The following SLC29A4 variants were observed in gnomAD, a reference collection of about 807,000 sequenced individuals.
The protein encoded by SLC29A4 is equilibrative nucleoside transporter 4.
In SLC29A4, 36 loss-of-function variants were observed where a neutral mutation model predicts 43.9. That is an observed-to-expected ratio of 0.82 (90% CI 0.63 to 1.08). SLC29A4 has a LOEUF of 1.08. SLC29A4 is among the 50% of genes least tolerant of loss of function. The probability of loss-of-function intolerance (pLI) is 0.00; values close to 1 mark genes in which losing one functional copy is unlikely to be tolerated. For synonymous variants in SLC29A4, 491 were observed against 338.0 expected (o/e 1.45, Z -4.97); for missense variants, 869 against 755.3 (o/e 1.15, Z -1.77).
intron 5 of SLC29A4, among the ~76,000 whole-genome samples, chr7:5,292,173 T>TGG: frequency 6.6e-6 from 1 of 152,108 alleles, no homozygotes; most frequent in Non-Finnish European, 1.5e-5. Flanking sequence ...TGCAGTGGCA[T>TGG]GATCATAGCT....
intron 2 of SLC29A4, among the ~76,000 whole-genome samples, chr7:5,288,298 C>CTGT (rs1322169694): frequency 2.9e-4 from 20 of 68,756 alleles, no homozygotes; most frequent in African/African-American, 1.1e-3. Context: ...CGTACAGCTT[C>CTGT]TTTTTTTTTT....
intron 10 of SLC29A4, among the ~76,000 whole-genome samples, chr7:5,301,727 C>T (rs978723359): frequency 1.3e-5 from 2 of 152,138 alleles, no homozygotes; most frequent in African/African-American, 4.8e-5. Context: ...CGGCAGCCCA[C>T]AGGACCGGCT....
intron 7 of SLC29A4, among the ~76,000 whole-genome samples, chr7:5,297,524 T>G (rs1401589842): frequency 1.3e-5 from 2 of 152,202 alleles, no homozygotes; most frequent in African/African-American, 4.8e-5. Context: ...CACTAAAGTT[T>G]CCATCCCTGG....
chr7:5,297,833 C>T (rs1024509597), intron 7 of SLC29A4, among the ~76,000 whole-genome samples: 1 of 152,170 alleles, frequency 6.6e-6, no homozygotes, highest in African/African-American at 2.4e-5. Context: ...GCCCCTGGCT[C>T]TGCTGGGCTT....
intron 2 of SLC29A4, among the ~76,000 whole-genome samples, chr7:5,289,631 G>C (rs1391439181): frequency 6.6e-6 from 1 of 152,062 alleles, no homozygotes; most frequent in Admixed American, 6.6e-5. Flanking sequence ...AGCAGCACCA[G>C]GGCTAGGGTT....
chr7:5,298,546 A>G (rs984232913), intron 7 of SLC29A4, among the ~76,000 whole-genome samples: 6 of 152,144 alleles, frequency 3.9e-5, no homozygotes, highest in African/African-American at 1.2e-4. Flanking sequence ...AATCCCAGCT[A>G]TACAGGAGGC....
In SLC29A4 at chr7:5,302,963, ACGCCGAGGGCCTGACCAGGGGCCC is replaced by A. The variant is rs1786277855; in HGVS notation, c.*27_*50del. ...GAGCCAGCCCCGCCCACTGCCAGGGACGCCGAGGGCCTGACCAGGGGCCCCGAGGCCTGAGGGCCCCTCCCCTGT... is the reference window on the plus strand; with the variant it reads ...GAGCCAGCCCCGCCCACTGCCAGGGACGAGGCCTGAGGGCCCCTCCCCTGT... On this transcript the variant is annotated 3_prime_UTR_variant, in exon 11 of 11. Coordinates refer to ENST00000396872, the MANE Select transcript of SLC29A4 (RefSeq NM_153247.4). The A allele has an allele frequency of 6.3e-7, 1 of 1,598,118 alleles. No homozygotes were observed. Among genetic ancestry groups the A allele is most frequent in the Non-Finnish European group, 8.5e-7 (1 of 1,174,128 alleles).
Position 5,300,359 on chromosome 7 carries a change from G to A in SLC29A4, c.1210-63G>A, listed in dbSNP as rs373718697. 6.8e-4 allele frequency: 1,089 copies of A among 1,605,138 alleles called. 18 individuals are homozygous for A. The East Asian group carries it at 0.019, about 28-fold the overall frequency. The stretch of plus-strand genomic sequence containing the variant: ...GATGGGGATGTGGCTAGAGGCTGTC[G>A]GGGGTGTGAGGCGAGTGGGGCTGTG... On this transcript the variant is annotated intron_variant, in intron 9 of 10. Transcript: ENST00000396872.
In SLC29A4 at chr7:5,283,024, C is replaced by G. The variant is rs1219123894; in HGVS notation, c.-67C>G. ...GACGCCGGGCGCGCCCGGCCCGAGG[C>G]TGGGGGAGCGGGGCGGCGTGGCGGG... On this transcript the variant is annotated 5_prime_UTR_variant, in exon 1 of 11. Transcript: ENST00000396872. 1.0e-5 allele frequency: 1 copy of G among 100,356 alleles called. No individual in the cohort carries two copies. Among genetic ancestry groups the G allele is most frequent in the Non-Finnish European group, 2.0e-5 (1 of 49,578 alleles). 6.2% of individuals were successfully genotyped at this position (100,356 alleles called of 1,614,324 possible). A position where few individuals can be genotyped will look rare whatever the true frequency, so the allele number is the denominator to read the frequency against.
chr7:5,303,046 C>G lies in SLC29A4; in HGVS notation c.*107C>G. Reference sequence around the variant, plus strand: ...CAGTGCCTGCGGGGCCCTGAGCCTCCCCCTGTGCCAGCAGCCCCACTCCCT... The same window carrying G: ...CAGTGCCTGCGGGGCCCTGAGCCTCGCCCTGTGCCAGCAGCCCCACTCCCT... On this transcript the variant is annotated 3_prime_UTR_variant, in exon 11 of 11. Transcript: ENST00000396872. 7.6e-7 allele frequency: 1 copy of G among 1,324,200 alleles called. No homozygotes were observed. Among genetic ancestry groups the G allele is most frequent in the Non-Finnish European group, 1.0e-6 (1 of 975,064 alleles). 82.0% of individuals were successfully genotyped at this position (1,324,200 alleles called of 1,614,324 possible).
chr7:5,302,901 G>A lies in SLC29A4; in HGVS notation c.1555G>A (p.Ala519Thr), dbSNP rs144064645. Residue 519 changes from alanine to threonine, a missense_variant, in exon 11 of 11, where the codon GCC becomes ACC. Transcript: ENST00000396872. ...TRDAHGSCLH[A>T]STANGSILAG... ...CGACGCTCACGGCAGCTGCCTGCAC[G>A]CCTCCACCGCCAATGGTTCCATCCT... 4.0e-4 allele frequency: 649 copies of A among 1,606,410 alleles called. 1 individual carries two copies. The African/African-American group carries it at 7.8e-3, about 19-fold the overall frequency.
intron 1 of SLC29A4, among the ~76,000 whole-genome samples, chr7:5,284,324 CTG>C (rs1474009942): frequency 2.0e-5 from 3 of 152,108 alleles, no homozygotes; most frequent in Non-Finnish European, 4.4e-5. Flanking sequence ...TGAATGCCTA[CTG>C]TGTGCAGCTG....
chr7:5,291,743 T>C lies in SLC29A4; in HGVS notation c.466T>C (p.Trp156Arg). ...CCTTTTTATCAGCATCTGCGACGTGTGGCTGCAGCTCTTCTCTCGGGACCA... is the reference window on the plus strand; with the variant it reads ...CCTTTTTATCAGCATCTGCGACGTGCGGCTGCAGCTCTTCTCTCGGGACCA... ...PLLFISICDV[W>R]LQLFSRDQAY... The change falls in exon 5 of 11, where the codon TGG becomes CGG. Residue 156 changes from tryptophan (W) to arginine (R), a missense_variant. Physicochemically the swap from Trp to Arg is moderately radical, Grantham distance 101. Transcript: ENST00000396872. The C allele has an allele frequency of 6.2e-7, 1 of 1,611,982 alleles. No homozygotes were observed. The highest frequency in any genetic ancestry group is 8.5e-7 in the Non-Finnish European group (1 of 1,179,804).
At chr7:5,291,990 G>A (rs112648836) in intron 5 of SLC29A4, among the ~76,000 whole-genome samples, 169 bp downstream of exon 5, 22 of 152,238 alleles carry the variant, frequency 1.4e-4, no homozygotes, top group Non-Finnish European at 2.2e-4. Context: ...ACACCCACAG[G>A]AGCCTGTGTA....
intron 7 of SLC29A4, among the ~76,000 whole-genome samples, chr7:5,297,526 C>T (rs1044417881): frequency 3.3e-5 from 5 of 152,254 alleles, no homozygotes; most frequent in South Asian, 4.1e-4. Flanking sequence ...CTAAAGTTTC[C>T]ATCCCTGGGA....
At position 5,303,120 on chromosome 7, in the gene SLC29A4, C is replaced by T. The variant is rs116044930; in HGVS notation, c.*181C>T. The T allele has an allele frequency of 0.01, 7,324 of 727,660 alleles. 392 individuals are homozygous for T. In the African/African-American group the frequency reaches 0.11, roughly 11 times the overall value. 45.1% of individuals were successfully genotyped at this position (727,660 alleles called of 1,614,324 possible). On this transcript the variant is annotated 3_prime_UTR_variant, in exon 11 of 11. Coordinates refer to ENST00000396872, the MANE Select transcript of SLC29A4 (RefSeq NM_153247.4). The stretch of plus-strand genomic sequence containing the variant: ...TGGACTGAAGTTCTGCAAAGTCCTC[C>T]GAGGACCGGAACACGTTTCTGCGAC...
intron 6 of SLC29A4, among the ~76,000 whole-genome samples, chr7:5,295,409 C>T (rs1021896901): frequency 6.6e-6 from 1 of 152,214 alleles, no homozygotes; most frequent in African/African-American, 2.4e-5. Context: ...CTCACGTCTC[C>T]TCCACCCACC....
intron 9 of SLC29A4, 88 bp from the exon 10 acceptor site, chr7:5,300,334 G>A (rs576434789): frequency 6.3e-7 from 1 of 1,591,872 alleles, no homozygotes; most frequent in Non-Finnish European, 8.5e-7. Flanking sequence ...AGTGTTTAGG[G>A]ATGGGGATGT....
rs778219889 is a variant in SLC29A4 at position 5,299,229 on chromosome 7, C to T, written c.1022-11C>T. The T allele has an allele frequency of 1.2e-6, 2 of 1,606,886 alleles. No homozygotes were observed. The highest frequency in any genetic ancestry group is 4.5e-5 in the East Asian group (2 of 44,746). On this transcript the variant is annotated splice_polypyrimidine_tract_variant and intron_variant, in intron 8 of 10. Transcript: ENST00000396872. ...GGGCGCTGCCTCTGACCCCCGCCCG[C>T]CACCCTCCAGCCCTGTTACTGCACC...
Sources: allele counts gnomAD v4.1 joint callset (sites outside exome capture counted in the v4.1 genomes callset), GRCh38; gene constraint gnomAD v4.1.1; transcripts MANE v1.5; gene names NCBI Gene and HGNC (gene_info 2026-07-23, HGNC 2026-07-21).